Variants in RNF24 observed in about 807,000 individuals in gnomAD.
The protein encoded by RNF24 is ring finger protein 24.
In RNF24, 14 loss-of-function variants were observed where a neutral mutation model predicts 20.0. The ratio of observed to expected loss-of-function variants is 0.70; its 90% CI spans 0.46 to 1.10. The LOEUF (loss-of-function observed/expected upper bound fraction) is 1.10, where lower values mean the gene tolerates loss of function less well. Among genes scored for constraint, RNF24 ranks in the 50% least tolerant of loss-of-function variants. The probability of loss-of-function intolerance (pLI) is 0.00; values close to 1 mark genes in which losing one functional copy is unlikely to be tolerated. For missense variants in RNF24, 124 were observed against 177.6 expected (o/e 0.70, Z 1.71); for synonymous variants, 45 against 61.1 (o/e 0.74, Z 1.23).
rs1288950532 is a variant in RNF24, at chr20:3,927,485, A to G, written c.*6578T>C. The G allele has an allele frequency of 2.6e-5, 4 of 152,358 alleles. No homozygotes were observed. The South Asian group carries it at 8.3e-4, about 32-fold the overall frequency. 9.4% of individuals were successfully genotyped at this position (152,358 alleles called of 1,614,324 possible). On this transcript the variant is annotated 3_prime_UTR_variant, in exon 6 of 6. Transcript: ENST00000358395. Reference sequence around the variant, plus strand: ...TATTCTGCTGCAGAATTTTTAGTGTACAAAGACGTCTATGAAACCTGAGGT... The same window carrying G: ...TATTCTGCTGCAGAATTTTTAGTGTGCAAAGACGTCTATGAAACCTGAGGT...
At chr20:3,936,358 C>A (rs1435060846) in intron 4 of RNF24, among the ~76,000 whole-genome samples, 2 of 152,198 alleles carry the variant, frequency 1.3e-5, no homozygotes. Context: ...TCTGTTCCTT[C>A]ATCTGTACAA....
intron 1 of RNF24, among the ~76,000 whole-genome samples, chr20:4,003,291 T>C (rs1047007181): frequency 2.0e-5 from 3 of 152,080 alleles, no homozygotes; most frequent in African/African-American, 7.2e-5. Flanking sequence ...TTTTGTGTAA[T>C]CATTTTCTAA....
At chr20:3,999,394 G>A (rs757945675) in intron 1 of RNF24, among the ~76,000 whole-genome samples, 1 of 152,060 alleles carries the variant, frequency 6.6e-6, no homozygotes, top group African/African-American at 2.4e-5. Context: ...TACAGTAACC[G>A]TTTATAGGGC....
At chr20:3,965,125 A>G (rs990708014) in intron 1 of RNF24, among the ~76,000 whole-genome samples, 1 of 152,302 alleles carries the variant, frequency 6.6e-6, no homozygotes, top group Non-Finnish European at 1.5e-5. Flanking sequence ...TGTCATTTTG[A>G]TTCCTTACAA....
intron 2 of RNF24, among the ~76,000 whole-genome samples, chr20:3,957,469 AATAATAATAAT>A (rs2091155840): frequency 1.4e-5 from 2 of 141,728 alleles, no homozygotes. Context: ...AAAAAAAAAA[AATAATAATAAT>A]AAAAATAAAA....
intron 1 of RNF24, among the ~76,000 whole-genome samples, chr20:3,965,114 T>G (rs1042951713): frequency 6.6e-6 from 1 of 152,232 alleles, no homozygotes; most frequent in South Asian, 2.1e-4. Context: ...AAGCTGTAGT[T>G]TGTCATTTTG....
chr20:3,975,424 T>C (rs1568642814), intron 1 of RNF24, among the ~76,000 whole-genome samples: 1 of 152,144 alleles, frequency 6.6e-6, no homozygotes, highest in Non-Finnish European at 1.5e-5. Flanking sequence ...TGAAATGAAA[T>C]GTTTTTTTTG....
At chr20:3,952,895 T>C (rs1315403132) in intron 2 of RNF24, among the ~76,000 whole-genome samples, 1 of 152,202 alleles carries the variant, frequency 6.6e-6, no homozygotes, top group Non-Finnish European at 1.5e-5. Flanking sequence ...ATATTCTACC[T>C]TTTTTGTAGA....
At chr20:4,005,725 T>C (rs1036345781) in intron 1 of RNF24, among the ~76,000 whole-genome samples, 1 of 152,186 alleles carries the variant, frequency 6.6e-6, no homozygotes, top group South Asian at 2.1e-4. Flanking sequence ...CAGGTAGCTA[T>C]AATTTTTTTT....
At chr20:3,962,408 G>A (rs2091211957) in intron 2 of RNF24, among the ~76,000 whole-genome samples, 1 of 152,046 alleles carries the variant, frequency 6.6e-6, no homozygotes. Flanking sequence ...AATAATAAAT[G>A]TGTTTACGAT....
intron 1 of RNF24, among the ~76,000 whole-genome samples, chr20:3,989,280 A>T (rs934087644): frequency 6.6e-6 from 1 of 152,128 alleles, no homozygotes; most frequent in Non-Finnish European, 1.5e-5. Flanking sequence ...TCACGAGGTC[A>T]GGAGATCAAG....
chr20:3,970,797 G>A (rs1278599086), intron 1 of RNF24, among the ~76,000 whole-genome samples: 1 of 152,190 alleles, frequency 6.6e-6, no homozygotes, highest in Non-Finnish European at 1.5e-5. Context: ...TGTAATCCCA[G>A]CACTTTGGGA....
At chr20:4,006,124 C>T (rs1279604553) in intron 1 of RNF24, among the ~76,000 whole-genome samples, 1 of 152,108 alleles carries the variant, frequency 6.6e-6, no homozygotes, top group African/African-American at 2.4e-5. Context: ...CATTTGTAAT[C>T]CCCGCACTCT....
At chr20:4,007,520 A>G (rs1260680626) in intron 1 of RNF24, among the ~76,000 whole-genome samples, 5 of 152,190 alleles carry the variant, frequency 3.3e-5, no homozygotes, top group Non-Finnish European at 7.3e-5. Context: ...TTAATGTGGA[A>G]TAACATGAAG....
At chr20:3,986,591 T>G (rs754881426) in intron 1 of RNF24, among the ~76,000 whole-genome samples, 17 of 151,494 alleles carry the variant, frequency 1.1e-4, no homozygotes, top group Non-Finnish European at 8.8e-5. Flanking sequence ...TTAGATTCAG[T>G]AGAACTCAAA....
chr20:3,986,215 T>TCTTCCTTCCCTTTCCTC (rs1230921025), intron 1 of RNF24, among the ~76,000 whole-genome samples: 1 of 152,160 alleles, frequency 6.6e-6, no homozygotes. Context: ...TTCTTTTCTT[T>TCTTCCTTCCCTTTCCTC]CTTCCTTCCC....
Position 3,977,757 on chromosome 20 carries a change from C to T in RNF24, c.-7-13733G>A, listed in dbSNP as rs1433350319. Among the ~76,000 whole-genome samples, 5 of 148,810 alleles carry T rather than the reference C, an allele frequency of 3.4e-5. No individual in the cohort carries two copies. The East Asian group carries it at 6.3e-4, about 19-fold the overall frequency. The stretch of plus-strand genomic sequence containing the variant: ...GTGGGCGCCTGTAGTCCTAGCCACT[C>T]GGGAGGCTGAGGCAGGAGAATGGCA... On this transcript the variant is annotated intron_variant, in intron 1 of 5. Coordinates refer to ENST00000358395, the MANE Select transcript of RNF24 (RefSeq NM_001134337.3).
rs1290081445 is a variant in RNF24 at position 3,932,743 on chromosome 20, GGA to G, written c.*1318_*1319del. 2 of 396,030 alleles carry G rather than the reference GGA, an allele frequency of 5.1e-6. No homozygotes were observed. The highest frequency in any genetic ancestry group is 4.1e-5 in the African/African-American group (2 of 48,590). The allele number at this position is 396,030 out of a possible 1,614,324, so 24.5% of individuals were successfully genotyped here. A position where few individuals can be genotyped will look rare whatever the true frequency, so the allele number is the denominator to read the frequency against. ...AGGCGCTCCTAAGATGGAGGGAGGCGGAGAGCAGGGCTGTGGAAAAGAATTTT... is the reference window on the plus strand; with the variant it reads ...AGGCGCTCCTAAGATGGAGGGAGGCGGAGCAGGGCTGTGGAAAAGAATTTT... On this transcript the variant is annotated 3_prime_UTR_variant, in exon 6 of 6. Transcript: ENST00000358395.
intron 1 of RNF24, among the ~76,000 whole-genome samples, chr20:4,000,486 T>C (rs148683397): frequency 0.032 from 4,912 of 152,106 alleles, 269 homozygotes; most frequent in African/African-American, 0.11. Flanking sequence ...GATGAAGCCA[T>C]TGCACTCCAG....
Sources: gnomAD v4.1 joint callset for allele counts (sites outside exome capture counted in the v4.1 genomes callset) on GRCh38, gnomAD v4.1.1 for gene constraint, MANE v1.5 for transcripts, NCBI Gene and HGNC (gene_info 2026-07-23, HGNC 2026-07-21) for gene names.